Variants in CALCR observed in about 807,000 individuals in gnomAD.
CALCR encodes calcitonin receptor.
A neutral mutation model predicts 59.5 loss-of-function variants in CALCR; 47 were observed. The ratio of observed to expected loss-of-function variants is 0.79; its 90% confidence interval spans 0.63 to 1.01. CALCR has a LOEUF of 1.01. CALCR is among the 50% of genes least tolerant of loss of function. The pLI, the probability that CALCR is intolerant of heterozygous loss-of-function variation, is 0.00. For missense variants in CALCR, 566 were observed against 597.1 expected (o/e 0.95, Z 0.54); for synonymous variants, 213 against 211.3 (o/e 1.01, Z -0.07).
At chr7:93,504,043 A>C (rs948945107) in intron 2 of CALCR, among the ~76,000 whole-genome samples, 10 of 152,210 alleles carry the variant, frequency 6.6e-5, no homozygotes, top group Non-Finnish European at 2.9e-5. Flanking sequence ...GGTGTTAAAA[A>C]ATGTATTTCA....
chr7:93,472,251 C>T (rs2115855853), intron 6 of CALCR, 124 bp downstream of exon 6: 1 of 618,112 alleles, frequency 1.6e-6, no homozygotes, highest in East Asian at 2.7e-5. Flanking sequence ...TACCAGTTAT[C>T]ATATGATTTC....
intron 2 of CALCR, among the ~76,000 whole-genome samples, chr7:93,541,613 G>T (rs935838039): frequency 1.3e-5 from 2 of 152,136 alleles, no homozygotes; most frequent in Non-Finnish European, 2.9e-5. Flanking sequence ...CTGCTGAGGT[G>T]TTTTATGTTC....
intron 2 of CALCR, among the ~76,000 whole-genome samples, chr7:93,522,762 T>C: frequency 6.6e-6 from 1 of 152,174 alleles, no homozygotes; most frequent in Admixed American, 6.6e-5. Flanking sequence ...CATGCTGTCT[T>C]GTTTTGTACA....
At chr7:93,440,680 T>C (rs759838355) in intron 9 of CALCR, among the ~76,000 whole-genome samples, 1 of 152,168 alleles carries the variant, frequency 6.6e-6, no homozygotes, top group African/African-American at 2.4e-5. Flanking sequence ...TAGTTCTTTT[T>C]TTAATTTAAA....
intron 2 of CALCR, among the ~76,000 whole-genome samples, chr7:93,500,533 T>C (rs1043770251): frequency 1.3e-5 from 2 of 151,966 alleles, no homozygotes; most frequent in African/African-American, 4.8e-5. Flanking sequence ...TCTGGGGTTC[T>C]TAATTTTCTG....
chr7:93,433,074 T>C (rs1799692103), intron 13 of CALCR, among the ~76,000 whole-genome samples: 1 of 152,074 alleles, frequency 6.6e-6, no homozygotes, highest in South Asian at 2.1e-4. Flanking sequence ...AAGAAAGGAA[T>C]AAAATGTAAT....
intron 2 of CALCR, among the ~76,000 whole-genome samples, chr7:93,505,646 G>T (rs563837728): frequency 6.6e-6 from 1 of 152,008 alleles, no homozygotes; most frequent in African/African-American, 2.4e-5. Context: ...ACTATAATAC[G>T]TTAGAAAGAC....
intron 7 of CALCR, among the ~76,000 whole-genome samples, chr7:93,465,304 A>G (rs1323723787): frequency 1.3e-5 from 2 of 151,996 alleles, no homozygotes; most frequent in African/African-American, 4.8e-5. Flanking sequence ...ACTGAAATAA[A>G]TGTCCATTTA....
At position 93,424,582 on chromosome 7, in the gene CALCR, A is replaced by C. The variant is rs1169324205; in HGVS notation, c.*1774T>G. The C allele has an allele frequency of 1.3e-5, 2 of 152,644 alleles. No homozygotes were observed. The highest frequency in any genetic ancestry group is 4.8e-5 in the African/African-American group (2 of 41,466). 9.5% of individuals were successfully genotyped at this position (152,644 alleles called of 1,614,324 possible). ...TCTGTATTAATTTATACATATACAC[A>C]AGCATAAGCATTTCACATAATTTGG... is the stretch of plus-strand genomic sequence containing the variant. On this transcript the variant is annotated 3_prime_UTR_variant, in exon 14 of 14. Coordinates refer to ENST00000426151, the MANE Select transcript of CALCR (RefSeq NM_001742.4).
At chr7:93,473,063 C>G (rs926501916) in intron 5 of CALCR, among the ~76,000 whole-genome samples, 1 of 151,744 alleles carries the variant, frequency 6.6e-6, no homozygotes, top group Admixed American at 6.6e-5. Flanking sequence ...TTCTGCCTCT[C>G]AAGAGATTTC....
Position 93,460,697 on chromosome 7 carries a change from G to T in CALCR, c.648+124C>A, listed in dbSNP as rs10269949. On this transcript the variant is annotated intron_variant, in intron 8 of 13. Coordinates refer to ENST00000426151, the MANE Select transcript of CALCR (RefSeq NM_001742.4). ...TGCCTCACAAAATGCAAAACTCGAC[G>T]GTAGAAGTAAATATGATTACACATG... 0.022 allele frequency: 12,722 copies of T among 567,102 alleles called. 1,145 individuals are homozygous for T. Among genetic ancestry groups the T allele is most frequent in the African/African-American group, 0.21 (10,148 of 49,130 alleles). The allele number at this position is 567,102 out of a possible 1,614,324, so 35.1% of individuals were successfully genotyped here.
intron 7 of CALCR, among the ~76,000 whole-genome samples, chr7:93,463,515 G>A (rs1476748544): frequency 6.6e-6 from 1 of 151,840 alleles, no homozygotes; most frequent in African/African-American, 2.4e-5. Context: ...CGAAGGTATT[G>A]CAAATTTTTC....
At chr7:93,478,871 G>T (rs1020721331) in intron 4 of CALCR, among the ~76,000 whole-genome samples, 3 of 151,752 alleles carry the variant, frequency 2.0e-5, no homozygotes, top group Non-Finnish European at 4.4e-5. Context: ...GTCTGGCTAG[G>T]AGGTACCTTT....
intron 2 of CALCR, among the ~76,000 whole-genome samples, chr7:93,490,672 T>G (rs554972336): frequency 6.6e-6 from 1 of 151,642 alleles, no homozygotes; most frequent in South Asian, 2.1e-4. Context: ...ACAAAGAGAA[T>G]AAAATACCCA....
chr7:93,529,994 C>CTCCA (rs1788789968), intron 2 of CALCR, among the ~76,000 whole-genome samples: 1 of 151,962 alleles, frequency 6.6e-6, no homozygotes, highest in Non-Finnish European at 1.5e-5. Context: ...CTTTATTGTA[C>CTCCA]TCCAGTTTCA....
chr7:93,426,750 A>AACTT (rs1331509897), intron 13 of CALCR, among the ~76,000 whole-genome samples, 161 bp from the exon 14 acceptor site: 3 of 152,228 alleles, frequency 2.0e-5, no homozygotes, highest in Admixed American at 2.0e-4. Flanking sequence ...AGAATATATC[A>AACTT]ACTTGGAAGA....
intron 2 of CALCR, among the ~76,000 whole-genome samples, chr7:93,554,851 A>G (rs1156693200): frequency 6.7e-6 from 1 of 150,064 alleles, no homozygotes; most frequent in Non-Finnish European, 1.5e-5. Flanking sequence ...CTTATTCTGC[A>G]CTAGTCATGT....
chr7:93,572,271 T>C (rs1790023466), intron 2 of CALCR, among the ~76,000 whole-genome samples: 1 of 152,136 alleles, frequency 6.6e-6, no homozygotes, highest in South Asian at 2.1e-4. Context: ...ACAAACAACA[T>C]TTATTTTTAT....
chr7:93,492,472 A>G (rs1247318396), intron 2 of CALCR, among the ~76,000 whole-genome samples: 2 of 151,396 alleles, frequency 1.3e-5, no homozygotes, highest in Non-Finnish European at 3.0e-5. Flanking sequence ...TATTGGCATA[A>G]CAGGAAATTG....
Sources: gnomAD v4.1 joint callset for allele counts (sites outside exome capture counted in the v4.1 genomes callset) on GRCh38, gnomAD v4.1.1 for gene constraint, MANE v1.5 for transcripts, NCBI Gene and HGNC (gene_info 2026-07-23, HGNC 2026-07-21) for gene names.